Variants in MYH15 observed in about 807,000 individuals in gnomAD.
MYH15 encodes myosin-15.
MYH15 carries 227 observed loss-of-function variants against 240.5 expected under a neutral mutation model. The ratio of observed to expected loss-of-function variants is 0.94; its 90% CI spans 0.85 to 1.05. The LOEUF (loss-of-function observed/expected upper bound fraction) is 1.05, where lower values mean the gene tolerates loss of function less well. Ranked by LOEUF, MYH15 falls within the 50% of genes least tolerant of loss-of-function variation. MYH15 has a pLI of 0.00. For missense variants in MYH15, 2,217 were observed against 2,247.5 expected, an observed-to-expected ratio of 0.99 and a Z score of 0.27; for synonymous variants, 785 against 796.7, an observed-to-expected ratio of 0.99 and a Z score of 0.25.
At position 108,405,363 on chromosome 3, in the gene MYH15, T is replaced by C. The variant is rs559291875; in HGVS notation, c.4711A>G (p.Lys1571Glu). 3.3e-6 allele frequency: 5 copies of C among 1,509,016 alleles called. No individual in the cohort carries two copies. Among genetic ancestry groups the C allele is most frequent in the Non-Finnish European group, 4.5e-6 (5 of 1,114,002 alleles). 93.5% of individuals were successfully genotyped at this position (1,509,016 alleles called of 1,614,324 possible). A position where few individuals can be genotyped will look rare whatever the true frequency, so the allele number is the denominator to read the frequency against. Residue 1571 changes from lysine to glutamate, a missense_variant, in exon 33 of 41, where the codon AAA becomes GAA. Lys to Glu is a moderately conservative substitution (Grantham distance 56). Transcript: ENST00000693548. ...KAELERKLSE[K>E]DEEIENFRRK... is the part of the protein sequence containing the mutation. ...CTAAAATTTTCTATTTCTTCATCTTTCTCTGAAAGCTTTCTTTCAAGTTCT... is the reference window on the plus strand; with the variant it reads ...CTAAAATTTTCTATTTCTTCATCTTCCTCTGAAAGCTTTCTTTCAAGTTCT...
At chr3:108,541,977 A>C in the MYH15 span, among the ~76,000 whole-genome samples, 1 of 152,180 alleles carries the variant, frequency 6.6e-6, no homozygotes, top group African/African-American at 2.4e-5. Flanking sequence ...CTTTAAGAAT[A>C]CATAAGAAAT....
At chr3:108,533,471 T>C (rs2688254), upstream of MYH15, among the ~76,000 whole-genome samples, 42,609 of 151,928 alleles carry the variant, frequency 0.28, 6,788 homozygotes, top group Non-Finnish European at 0.36. Context: ...TTTTTGATGA[T>C]CAAATAAGAG....
chr3:108,472,708 G>A (rs1020506689), intron 12 of MYH15, among the ~76,000 whole-genome samples: 2 of 152,172 alleles, frequency 1.3e-5, no homozygotes, highest in Non-Finnish European at 2.9e-5. Flanking sequence ...GGCAAGTAGT[G>A]GAGAAACACA....
intron 2 of MYH15, among the ~76,000 whole-genome samples, chr3:108,503,129 G>A (rs1275854221): frequency 6.7e-6 from 1 of 150,080 alleles, no homozygotes; most frequent in East Asian, 1.9e-4. Flanking sequence ...CTGGGGGAAT[G>A]GGACCTTCAT....
rs990430584 is a variant in MYH15, at chr3:108,523,281, A to G, written c.-58+5982T>C. Among the ~76,000 whole-genome samples, 6 of 152,128 alleles carry G rather than the reference A, an allele frequency of 3.9e-5. 1 individual carries two copies. The highest frequency in any genetic ancestry group is 6.6e-5 in the Admixed American group (1 of 15,242). ...CTAAATTTTCTACTCTTCTCTTTCT[A>G]TAATGAAAATATCATTTTGTGCAAT... On this transcript the variant is annotated intron_variant, in intron 1 of 41. Transcript: ENST00000273353.
At chr3:108,418,984 C>A (rs2082659794) in intron 28 of MYH15, among the ~76,000 whole-genome samples, 1 of 152,170 alleles carries the variant, frequency 6.6e-6, no homozygotes, top group African/African-American at 2.4e-5. Context: ...AACTCCTTGC[C>A]TCAAGTGATC....
chr3:108,428,096 G>T (rs541816733), intron 27 of MYH15, among the ~76,000 whole-genome samples: 1 of 152,316 alleles, frequency 6.6e-6, no homozygotes, highest in South Asian at 2.1e-4. Context: ...AAAGCTGTTT[G>T]TGTACACCAT....
intron 18 of MYH15, among the ~76,000 whole-genome samples, chr3:108,458,112 A>T (rs72939895): frequency 0.13 from 20,007 of 152,034 alleles, 1,718 homozygotes; most frequent in East Asian, 0.41. Context: ...TTAACATCAG[A>T]CTCACTCATT....
the MYH15 span, among the ~76,000 whole-genome samples, chr3:108,536,034 G>A: frequency 1.3e-5 from 2 of 152,152 alleles, no homozygotes; most frequent in East Asian, 1.9e-4. Context: ...TTGGGAGGCC[G>A]AGGTGGGCGG....
intron 14 of MYH15, among the ~76,000 whole-genome samples, chr3:108,468,927 G>A (rs540057115): frequency 1.3e-4 from 20 of 152,222 alleles, no homozygotes; most frequent in Admixed American, 7.2e-4. Flanking sequence ...AGACAACTAC[G>A]GCTCTTATAA....
chr3:108,397,174 C>G (rs988913003), intron 35 of MYH15, among the ~76,000 whole-genome samples: 7 of 152,340 alleles, frequency 4.6e-5, no homozygotes, highest in African/African-American at 1.7e-4. Context: ...AGTGGCTCTC[C>G]ATGAGCTGCA....
Position 108,381,811 on chromosome 3 carries a change from C to T in MYH15, c.5767-252G>A, listed in dbSNP as rs527442560. On this transcript the variant is annotated intron_variant, in intron 40 of 40. Transcript: ENST00000693548. ...CCTTGTCTTGCCAATGAAGGCAGCG[C>T]CCCCCTTTGCCAACCCCATAAGGAG... is the stretch of plus-strand genomic sequence containing the variant. Among the ~76,000 whole-genome samples the T allele has an allele frequency of 1.3e-4, 20 of 152,310 alleles. No individual in the cohort carries two copies. The South Asian group carries it at 4.2e-3, about 32-fold the overall frequency.
chr3:108,498,714 C>T (rs536578521), intron 5 of MYH15, among the ~76,000 whole-genome samples: 4 of 152,212 alleles, frequency 2.6e-5, no homozygotes, highest in Non-Finnish European at 4.4e-5. Flanking sequence ...AATAGTTTAT[C>T]CTGTCTGTGA....
chr3:108,540,632 A>G, the MYH15 span, among the ~76,000 whole-genome samples: 17 of 152,350 alleles, frequency 1.1e-4, no homozygotes, highest in East Asian at 3.3e-3. Context: ...AAAAATTTTT[A>G]GTAAAATAGA....
chr3:108,453,716 G>C (rs1264439742), intron 21 of MYH15, among the ~76,000 whole-genome samples: 1 of 152,104 alleles, frequency 6.6e-6, no homozygotes, highest in Non-Finnish European at 1.5e-5. Context: ...TATAAATTGT[G>C]AGTCACACCA....
intron 6 of MYH15, 95 bp downstream of exon 6, chr3:108,497,957 G>T: frequency 1.0e-6 from 1 of 980,496 alleles, no homozygotes; most frequent in Non-Finnish European, 1.6e-6. Flanking sequence ...TGTGGTGCTT[G>T]TGGCCTCACT....
intron 27 of MYH15, among the ~76,000 whole-genome samples, chr3:108,424,349 A>G (rs541599311): frequency 2.6e-5 from 4 of 152,344 alleles, no homozygotes; most frequent in African/African-American, 9.6e-5. Flanking sequence ...AAGTATTTTC[A>G]TAAACAGGAT....
chr3:108,506,607 G>A (rs545130141), intron 1 of MYH15, among the ~76,000 whole-genome samples: 59 of 152,302 alleles, frequency 3.9e-4, no homozygotes, highest in African/African-American at 1.3e-3. Context: ...TTAAGGGCCT[G>A]GGTGCAGTGG....
At chr3:108,443,658 T>C (rs1031127203) in intron 22 of MYH15, among the ~76,000 whole-genome samples, 1 of 152,080 alleles carries the variant, frequency 6.6e-6, no homozygotes, top group Non-Finnish European at 1.5e-5. Context: ...AGACAGAGGC[T>C]TGAATGCCAA....
Sources: gnomAD v4.1 joint callset for allele counts (sites outside exome capture counted in the v4.1 genomes callset) on GRCh38, gnomAD v4.1.1 for gene constraint, MANE v1.5 for transcripts, NCBI Gene and HGNC (gene_info 2026-07-23, HGNC 2026-07-21) for gene names.